The following CAMK2G variants were observed in gnomAD, a reference collection of about 807,000 sequenced individuals.
CAMK2G encodes the protein calcium/calmodulin-dependent protein kinase type II subunit gamma.
CAMK2G carries 23 observed loss-of-function variants against 88.7 expected under a neutral mutation model. That is an observed-to-expected ratio of 0.26 (90% confidence interval 0.19 to 0.37). The LOEUF (loss-of-function observed/expected upper bound fraction) is 0.37. Among genes scored for constraint, CAMK2G ranks in the 10% least tolerant of loss-of-function variants. CAMK2G has a pLI of 1.00. For synonymous variants in CAMK2G, 263 were observed against 294.8 expected, an observed-to-expected ratio of 0.89 and a Z score of 1.11; for missense variants, 476 against 780.8, an observed-to-expected ratio of 0.61 and a Z score of 4.65.
chr10:73,819,014 A>C (rs1463853939), intron 19 of CAMK2G: 2 of 357,504 alleles, frequency 5.6e-6, no homozygotes, highest in Non-Finnish European at 5.6e-6. Flanking sequence ...TCCACATTAC[A>C]GATAAGGAAC....
At chr10:73,849,380 C>A in intron 5 of CAMK2G, 47 bp from the exon 6 acceptor site, 1 of 1,361,398 alleles carries the variant, frequency 7.3e-7, no homozygotes, top group Non-Finnish European at 1.0e-6. Flanking sequence ...GTTAAACCAC[C>A]TCATCCACAT....
intron 5 of CAMK2G, among the ~76,000 whole-genome samples, chr10:73,851,866 G>A (rs112274009): frequency 1.4e-3 from 213 of 151,692 alleles, no homozygotes; most frequent in African/African-American, 4.9e-3. Context: ...TGCCTCAGCC[G>A]CCTAAGTAGC....
intron 19 of CAMK2G, chr10:73,818,986 G>A (rs2086769357): frequency 8.3e-6 from 3 of 362,096 alleles, no homozygotes; most frequent in Non-Finnish European, 1.7e-5. Context: ...AAGGCTCTGA[G>A]GTGCGTGCCA....
At chr10:73,866,284 A>G (rs965524885) in intron 2 of CAMK2G, among the ~76,000 whole-genome samples, 2 of 152,174 alleles carry the variant, frequency 1.3e-5, no homozygotes, top group African/African-American at 4.8e-5. Context: ...GGGAGGTGAT[A>G]GCTTGCAGCC....
intron 3 of CAMK2G, among the ~76,000 whole-genome samples, chr10:73,858,343 T>C (rs1312790580): frequency 1.3e-5 from 2 of 152,200 alleles, no homozygotes; most frequent in African/African-American, 2.4e-5. Context: ...AGGGTCACAG[T>C]TCTGAAGGAC....
intron 5 of CAMK2G, among the ~76,000 whole-genome samples, chr10:73,850,854 G>A (rs560977576): frequency 1.3e-5 from 2 of 152,274 alleles, no homozygotes; most frequent in African/African-American, 2.4e-5. Context: ...CTATAGAGGC[G>A]AGTCTCCACA....
chr10:73,859,844 G>C (rs2095287728), intron 3 of CAMK2G, among the ~76,000 whole-genome samples: 1 of 152,238 alleles, frequency 6.6e-6, no homozygotes, highest in African/African-American at 2.4e-5. Context: ...CGAGACCTGG[G>C]AAGCCAGGGG....
intron 2 of CAMK2G, among the ~76,000 whole-genome samples, chr10:73,865,318 A>G (rs2095545103): frequency 6.6e-6 from 1 of 152,100 alleles, no homozygotes; most frequent in African/African-American, 2.4e-5. Context: ...CTCCTCAGAG[A>G]GAGGGGAACG....
At position 73,821,678 on chromosome 10, in the gene CAMK2G, C is replaced by G; in HGVS notation, c.1249+4G>C. On this transcript the variant is annotated splice_donor_region_variant and intron_variant, in intron 18 of 22. Transcript: ENST00000423381. ...TCCTTCCCCCTCCAAGGGCCAGCAC[C>G]TACCTTTGAGGTCCTCATCTTCTGT... The G allele has an allele frequency of 1.2e-6, 2 of 1,609,682 alleles. No homozygotes were observed. The highest frequency in any genetic ancestry group is 1.7e-6 in the Non-Finnish European group (2 of 1,177,842).
chr10:73,825,045 C>G (rs1198947872), intron 16 of CAMK2G, among the ~76,000 whole-genome samples: 1 of 152,200 alleles, frequency 6.6e-6, no homozygotes, highest in African/African-American at 2.4e-5. Context: ...ACTCTTCCCC[C>G]CACCAGCGAA....
intron 15 of CAMK2G, 130 bp downstream of exon 15, chr10:73,827,959 A>C (rs937263950): frequency 1.2e-6 from 1 of 817,926 alleles, no homozygotes; most frequent in Admixed American, 1.7e-5. Flanking sequence ...GACAGGCCAC[A>C]CCTGCCCACA....
At chr10:73,872,229 C>T (rs2095857486) in intron 2 of CAMK2G, among the ~76,000 whole-genome samples, 2 of 152,358 alleles carry the variant, frequency 1.3e-5, no homozygotes, top group South Asian at 2.1e-4. Flanking sequence ...AAGACAGGCC[C>T]TGACCCTCCA....
At chr10:73,814,934 T>C (rs938154455) in intron 22 of CAMK2G, 69 bp downstream of exon 22, 1 of 1,105,148 alleles carries the variant, frequency 9.0e-7, no homozygotes. Context: ...CCTCCCAGCC[T>C]TCTCTTCTTC....
chr10:73,832,817 C>G (rs1320179758), intron 14 of CAMK2G, among the ~76,000 whole-genome samples: 3 of 152,110 alleles, frequency 2.0e-5, no homozygotes, highest in Non-Finnish European at 4.4e-5. Context: ...GGGGGTCTCA[C>G]TATGTTGCCC....
rs1428838629 is a variant in CAMK2G at position 73,831,784 on chromosome 10, C to T, written c.1054-3663G>A. 4.6e-5 allele frequency among the ~76,000 whole-genome samples: 7 copies of T among 151,746 alleles called. No homozygotes were observed. In the South Asian group the frequency reaches 1.0e-3, roughly 23 times the overall value. On this transcript the variant is annotated intron_variant, in intron 14 of 22. Coordinates refer to ENST00000423381, the MANE Select transcript of CAMK2G (RefSeq NM_001367534.1). ...CTGAGGTGGAAGAATCACTTGAGCC[C>T]GGGAGGCGGAGGTTGCAGTGAGCCA...
chr10:73,849,306 A>T lies in CAMK2G; in HGVS notation c.369T>A (p.Ser123Arg). The T allele has an allele frequency of 6.2e-7, 1 of 1,613,690 alleles. No homozygotes were observed. Among genetic ancestry groups the T allele is most frequent in the Non-Finnish European group, 8.5e-7 (1 of 1,179,710 alleles). Residue 123 changes from serine (S) to arginine (R), a missense_variant, in exon 6 of 23, where the codon AGT becomes AGA. Ser to Arg is a moderately radical substitution (Grantham distance 110). This residue lies in a region of CAMK2G where 164 missense variants were observed against 385.6 expected (regional missense o/e 0.43). Coordinates refer to ENST00000423381, the MANE Select transcript of CAMK2G (RefSeq NM_001367534.1). ...ASHCIHQILE[S>R]VNHIHQHDIV... is the part of the protein sequence containing the mutation. ...TGTCATGCTGGTGGATGTGGTTAAC[A>T]CTCTCCAGAATCTGATGTATACAGT...
At chr10:73,858,516 GAC>G (rs1397079501) in intron 3 of CAMK2G, among the ~76,000 whole-genome samples, 2 of 152,150 alleles carry the variant, frequency 1.3e-5, no homozygotes, top group South Asian at 2.1e-4. Flanking sequence ...GAGCTCCCAG[GAC>G]ACAGTCTTGA....
chr10:73,856,419 C>T (rs115121368), intron 3 of CAMK2G, among the ~76,000 whole-genome samples: 2,014 of 152,278 alleles, frequency 0.013, 22 homozygotes, highest in Middle Eastern at 0.085. Flanking sequence ...CTGACTGGCT[C>T]GACAATGTCC....
intron 18 of CAMK2G, 141 bp downstream of exon 18, chr10:73,821,541 T>C: frequency 4.6e-6 from 3 of 651,080 alleles, no homozygotes; most frequent in Non-Finnish European, 5.5e-6. Flanking sequence ...TCGTGGAAAG[T>C]AGCTTTTATA....
Sources: allele counts gnomAD v4.1 joint callset (sites outside exome capture counted in the v4.1 genomes callset), GRCh38; gene constraint gnomAD v4.1.1; regional missense constraint gnomAD v4.1.1; transcripts MANE v1.5; gene names NCBI Gene and HGNC (gene_info 2026-07-23, HGNC 2026-07-21).